NRG1: variants seen among roughly 807,000 people sequenced by gnomAD.
NRG1 encodes the protein pro-neuregulin-1, membrane-bound isoform.
A neutral mutation model predicts 63.8 loss-of-function variants in NRG1; 18 were observed. That is an observed-to-expected ratio of 0.28 (90% CI 0.19 to 0.42). NRG1 has a LOEUF of 0.42. Among genes scored for constraint, NRG1 ranks in the 10% least tolerant of loss-of-function variants. NRG1 has a pLI of 1.00. For missense variants in NRG1, 762 were observed against 814.7 expected (o/e 0.94, Z 0.79); for synonymous variants, 302 against 301.3 (o/e 1.00, Z -0.02).
intron 1 of NRG1, among the ~76,000 whole-genome samples, chr8:31,972,778 C>G (rs1163885459): frequency 6.6e-6 from 1 of 152,160 alleles, no homozygotes; most frequent in Non-Finnish European, 1.5e-5. Context: ...TTCACTTGAC[C>G]TGCCATAACA....
chr8:32,044,544 T>C (rs1349988100), intron 1 of NRG1, among the ~76,000 whole-genome samples: 2 of 151,780 alleles, frequency 1.3e-5, no homozygotes, highest in Non-Finnish European at 3.0e-5. Context: ...TTTATGAAGA[T>C]AGACCTCATT....
At chr8:32,728,672 C>A (rs1268154567) in intron 6 of NRG1, 1 of 984,038 alleles carries the variant, frequency 1.0e-6, no homozygotes, top group East Asian at 1.1e-4. Context: ...TATGTAGCAT[C>A]CCTGTGGGTG....
At chr8:32,130,408 T>C (rs954828607) in intron 1 of NRG1, among the ~76,000 whole-genome samples, 3 of 151,986 alleles carry the variant, frequency 2.0e-5, no homozygotes, top group African/African-American at 7.2e-5. Context: ...TAGAGATTTA[T>C]TTTTATTATT....
At chr8:32,653,768 G>GT (rs1012329515) in intron 5 of NRG1, among the ~76,000 whole-genome samples, 3 of 152,114 alleles carry the variant, frequency 2.0e-5, no homozygotes, top group African/African-American at 7.2e-5. Context: ...ATTCCCAAGG[G>GT]TTTTTCATTT....
chr8:31,940,311 C>A (rs1295801231), intron 1 of NRG1, among the ~76,000 whole-genome samples: 1 of 151,766 alleles, frequency 6.6e-6, no homozygotes, highest in South Asian at 2.1e-4. Flanking sequence ...ATTGAGTCAA[C>A]AAGGAAATCA....
At chr8:32,186,900 C>G (rs144874013) in intron 1 of NRG1, among the ~76,000 whole-genome samples, 43 of 152,290 alleles carry the variant, frequency 2.8e-4, no homozygotes, top group African/African-American at 1.0e-3. Context: ...ATTTCTGTGC[C>G]TGGTCTTTAC....
At chr8:31,942,769 C>T (rs1253807114) in intron 1 of NRG1, among the ~76,000 whole-genome samples, 1 of 151,654 alleles carries the variant, frequency 6.6e-6, no homozygotes, top group African/African-American at 2.4e-5. Context: ...ATACAAATGG[C>T]CAACAAGCAT....
intron 5 of NRG1, among the ~76,000 whole-genome samples, chr8:32,631,787 ATCT>A (rs1199318849): frequency 6.6e-6 from 1 of 152,168 alleles, no homozygotes; most frequent in South Asian, 2.1e-4. Context: ...GGTGAGGTTA[ATCT>A]AGGACGCTTT....
At chr8:32,641,841 G>A (rs1852454204) in intron 5 of NRG1, among the ~76,000 whole-genome samples, 1 of 152,128 alleles carries the variant, frequency 6.6e-6, no homozygotes, top group South Asian at 2.1e-4. Context: ...GACATGCCCA[G>A]GAAGGTAAAA....
chr8:31,840,349 CTTTTTTTT>C (rs71992716), intron 1 of NRG1, among the ~76,000 whole-genome samples: 1 of 116,866 alleles, frequency 8.6e-6, no homozygotes, highest in Non-Finnish European at 1.7e-5. Flanking sequence ...TATTCTCTGT[CTTTTTTTT>C]TTTTTTTTTG....
At chr8:31,658,104 A>G (rs898812140) in intron 1 of NRG1, among the ~76,000 whole-genome samples, 1 of 152,238 alleles carries the variant, frequency 6.6e-6, no homozygotes, top group African/African-American at 2.4e-5. Context: ...ATATTCTACA[A>G]TGAACATGCC....
chr8:31,809,200 A>T (rs1425332454), intron 1 of NRG1, among the ~76,000 whole-genome samples: 1 of 151,214 alleles, frequency 6.6e-6, no homozygotes, highest in Non-Finnish European at 1.5e-5. Context: ...TTTGCTCATT[A>T]TTCTTGGAGT....
intron 1 of NRG1, among the ~76,000 whole-genome samples, chr8:32,489,226 G>A (rs1826254514): frequency 6.6e-6 from 1 of 152,114 alleles, no homozygotes; most frequent in Non-Finnish European, 1.5e-5. Context: ...GTGTTTACTG[G>A]CGTTGTACAC....
intron 1 of NRG1, among the ~76,000 whole-genome samples, chr8:31,792,128 C>T (rs1820777120): frequency 6.6e-6 from 1 of 152,132 alleles, no homozygotes; most frequent in African/African-American, 2.4e-5. Context: ...GGTCTTAGTG[C>T]TCATCCTTGT....
intron 1 of NRG1, among the ~76,000 whole-genome samples, chr8:31,834,307 G>GCACACACACACA (rs1554547024): frequency 1.4e-4 from 17 of 119,516 alleles, no homozygotes; most frequent in African/African-American, 5.6e-4. Context: ...GCGCACGCGC[G>GCACACACACACA]CACACACACA....
exon 1 of NRG1, chr8:32,548,620 C>A (rs1205418276): frequency 1.2e-5 from 17 of 1,399,636 alleles, no homozygotes; most frequent in Non-Finnish European, 1.6e-5. Flanking sequence ...CGCGGCCGCT[C>A]GCTCTCCCCC....
At chr8:32,524,626 G>A (rs925356512) in intron 1 of NRG1, among the ~76,000 whole-genome samples, 63 of 152,136 alleles carry the variant, frequency 4.1e-4, no homozygotes, top group African/African-American at 1.4e-3. Context: ...ACCAGACACC[G>A]GTTTTTCCTC....
intron 1 of NRG1, among the ~76,000 whole-genome samples, chr8:31,999,427 A>G (rs116498253): frequency 0.014 from 2,202 of 152,094 alleles, 49 homozygotes; most frequent in African/African-American, 0.049. Flanking sequence ...CAGTAGATGT[A>G]TATATTTTGA....
At chr8:32,010,288 T>C (rs541486574) in intron 1 of NRG1, among the ~76,000 whole-genome samples, 2 of 152,252 alleles carry the variant, frequency 1.3e-5, no homozygotes, top group Admixed American at 1.3e-4. Context: ...AAACAATTTA[T>C]GTATTTTGTA....
Sources: allele counts gnomAD v4.1 joint callset (sites outside exome capture counted in the v4.1 genomes callset), GRCh38; gene constraint gnomAD v4.1.1; transcripts MANE v1.5; gene names NCBI Gene and HGNC (gene_info 2026-07-23, HGNC 2026-07-21).